BCL3: variants seen among roughly 807,000 people sequenced by gnomAD.
BCL3 encodes the protein B-cell lymphoma 3 protein.
BCL3 carries 15 observed loss-of-function variants against 35.7 expected under a neutral mutation model. That is an observed-to-expected ratio of 0.42 (90% CI 0.28 to 0.65). BCL3 has a LOEUF of 0.65. BCL3 is among the 30% of genes least tolerant of loss of function. The pLI is 0.22. For missense variants in BCL3, 565 were observed against 641.7 expected (o/e 0.88, Z 1.29); for synonymous variants, 311 against 284.3 (o/e 1.09, Z -0.95).
Position 44,749,036 on chromosome 19 carries a change from T to G in BCL3, c.246T>G (p.Leu82=). 7.4e-7 allele frequency: 1 copy of G among 1,348,578 alleles called. No homozygotes were observed. Among genetic ancestry groups the G allele is most frequent in the East Asian group, 3.1e-5 (1 of 32,226 alleles). 83.5% of individuals were successfully genotyped at this position (1,348,578 alleles called of 1,614,324 possible). The change falls in exon 1 of 9, where the codon CTT becomes CTG. Residue 82 remains leucine, a synonymous_variant. Coordinates refer to ENST00000164227, the MANE Select transcript of BCL3 (RefSeq NM_005178.5). ...PPHGLARPEA[L]YYPGALLPLY... is the part of the protein sequence containing the mutation. ...ACGGCCTGGCCCGGCCGGAGGCGCT[T>G]TACTACCCCGGTGAGTGGCCCCCGA...
rs575524255 is a variant in BCL3, at chr19:44,749,334, T to C, written c.256+288T>C. Among the ~76,000 whole-genome samples, 4 of 142,036 alleles carry C rather than the reference T, an allele frequency of 2.8e-5. No individual in the cohort carries two copies. In the South Asian group the frequency reaches 9.0e-4, roughly 32 times the overall value. 93.2% of individuals were successfully genotyped at this position (142,036 alleles called of 152,430 possible). A position where few individuals can be genotyped will look rare whatever the true frequency, so the allele number is the denominator to read the frequency against. ...GCCCAGTGGTACAAATATGGGGGTG[T>C]CAGGGAATCAGGGCACAGAGCCTGG... On this transcript the variant is annotated intron_variant, in intron 1 of 8. Coordinates refer to ENST00000164227, the MANE Select transcript of BCL3 (RefSeq NM_005178.5).
rs1967381120 is a variant in BCL3 at position 44,759,516 on chromosome 19, C to T, written c.1266C>T (p.Phe422=). The part of the protein sequence containing the change: ...PGFPMAPPNF[F]LPSPSPPAFL... ...TCCCCATGGCTCCTCCCAATTTCTT[C>T]CTTCCTTCCCCATCTCCACCCGCCT... Residue 422 remains phenylalanine (F), a synonymous_variant, in exon 9 of 9, where the codon TTC becomes TTT. Coordinates refer to ENST00000164227, the MANE Select transcript of BCL3 (RefSeq NM_005178.5). The T allele has an allele frequency of 1.2e-6, 2 of 1,613,254 alleles. No homozygotes were observed. The highest frequency in any genetic ancestry group is 4.5e-5 in the East Asian group (2 of 44,790).
intron 2 of BCL3, among the ~76,000 whole-genome samples, chr19:44,753,132 A>T (rs111412318): frequency 4.6e-5 from 7 of 152,314 alleles, no homozygotes; most frequent in African/African-American, 1.7e-4. Context: ...AATGCATGGA[A>T]ATGGGTAATG....
chr19:44,756,070 C>T (rs1004194691), intron 2 of BCL3, 162 bp from the exon 3 acceptor site: 20 of 433,006 alleles, frequency 4.6e-5, no homozygotes, highest in African/African-American at 3.1e-4. Flanking sequence ...ATGGAGGGAG[C>T]GGGTGGTAAA....
Position 44,751,333 on chromosome 19 carries a change from T to A in BCL3, c.363T>A (p.Leu121=), listed in dbSNP as rs755444152. 2 of 1,604,164 alleles carry A rather than the reference T, an allele frequency of 1.2e-6. No homozygotes were observed. The highest frequency in any genetic ancestry group is 2.2e-5 in the South Asian group (2 of 89,694). The change falls in exon 2 of 9, where the codon CTT becomes CTA. Residue 121 remains leucine, a synonymous_variant. Coordinates refer to ENST00000164227, the MANE Select transcript of BCL3 (RefSeq NM_005178.5). ...YPMMCPMEHP[L]SADIAMATRA... ...TGATGTGCCCCATGGAACACCCCCTTTCTGCTGACATCGCCATGGCCACCC... is the reference window on the plus strand; with the variant it reads ...TGATGTGCCCCATGGAACACCCCCTATCTGCTGACATCGCCATGGCCACCC...
chr19:44,758,290 C>A lies in BCL3; in HGVS notation c.936C>A (p.Ala312=). ...CGCAAATGTACTCCGGCAGCTCCGCCCTGCACTCAGCGTCCGGCCGCGGGC... is the reference window on the plus strand; with the variant it reads ...CGCAAATGTACTCCGGCAGCTCCGCACTGCACTCAGCGTCCGGCCGCGGGC... ...VNAQMYSGSS[A]LHSASGRGLL... Residue 312 remains alanine, a synonymous_variant, in exon 7 of 9, where the codon GCC becomes GCA. Transcript: ENST00000164227. 6.4e-7 allele frequency: 1 copy of A among 1,558,610 alleles called. No homozygotes were observed. The highest frequency in any genetic ancestry group is 8.6e-7 in the Non-Finnish European group (1 of 1,161,422).
At position 44,748,736 on chromosome 19, in the gene BCL3, A is replaced by G; in HGVS notation, c.-55A>G. The G allele has an allele frequency of 2.8e-6, 3 of 1,070,312 alleles. No homozygotes were observed. The highest frequency in any genetic ancestry group is 3.4e-6 in the Non-Finnish European group (3 of 886,078). 66.3% of individuals were successfully genotyped at this position (1,070,312 alleles called of 1,614,324 possible). A position where few individuals can be genotyped will look rare whatever the true frequency, so the allele number is the denominator to read the frequency against. On this transcript the variant is annotated 5_prime_UTR_variant, in exon 1 of 9. Transcript: ENST00000164227. ...GGAAGTCCCGGCGCCCGGCGAAACCACCCTCCCGTGCAGCCGAGCCCAGCC... is the reference window on the plus strand; with the variant it reads ...GGAAGTCCCGGCGCCCGGCGAAACCGCCCTCCCGTGCAGCCGAGCCCAGCC...
intron 2 of BCL3, among the ~76,000 whole-genome samples, chr19:44,753,662 C>T (rs1209106427): frequency 6.6e-6 from 1 of 151,922 alleles, no homozygotes; most frequent in African/African-American, 2.4e-5. Context: ...GCAGTGGGGG[C>T]GAGGAGGGCG....
chr19:44,758,570 TGAG>T, intron 7 of BCL3, 151 bp from the exon 8 acceptor site: 1 of 1,275,714 alleles, frequency 7.8e-7, no homozygotes, highest in South Asian at 1.4e-5. Context: ...GTTCCAGAAA[TGAG>T]GAGAGACTGG....
chr19:44,751,087 G>A, intron 1 of BCL3, 140 bp from the exon 2 acceptor site: 2 of 1,096,402 alleles, frequency 1.8e-6, no homozygotes, highest in Non-Finnish European at 2.5e-6. Context: ...TAGGCCCTGA[G>A]GACCCTGTAT....
chr19:44,750,297 T>C (rs113200603), intron 1 of BCL3, among the ~76,000 whole-genome samples: 12 of 142,728 alleles, frequency 8.4e-5, no homozygotes, highest in African/African-American at 3.0e-4. Context: ...TTGTTTGTTT[T>C]TGTTTTTGTT....
chr19:44,758,640 C>A, intron 7 of BCL3, 84 bp from the exon 8 acceptor site: 1 of 1,337,956 alleles, frequency 7.5e-7, no homozygotes, highest in Non-Finnish European at 1.0e-6. Context: ...GAGAGGCCAC[C>A]ACCTGGATCC....
intron 6 of BCL3, among the ~76,000 whole-genome samples, 163 bp from the exon 7 acceptor site, chr19:44,758,083 C>T: frequency 6.6e-6 from 1 of 152,228 alleles, no homozygotes; most frequent in Non-Finnish European, 1.5e-5. Flanking sequence ...GCCGCCAACG[C>T]AGTCCCGCTT....
At chr19:44,753,834 G>T (rs985316040) in intron 2 of BCL3, among the ~76,000 whole-genome samples, 7 of 138,328 alleles carry the variant, frequency 5.1e-5, no homozygotes, top group Non-Finnish European at 8.0e-5. Context: ...GGGGCGGGGG[G>T]GGGGGGTGAT....
intron 8 of BCL3, 74 bp from the exon 9 acceptor site, chr19:44,759,354 A>T: frequency 1.0e-6 from 1 of 957,998 alleles, no homozygotes; most frequent in Non-Finnish European, 1.4e-6. Context: ...TCAGACCCAG[A>T]TCTCAGGCCC....
Position 44,759,628 on chromosome 19 carries a change from G to T in BCL3, c.*13G>T, listed in dbSNP as rs755304264. 11 of 1,595,436 alleles carry T rather than the reference G, an allele frequency of 6.9e-6. No individual in the cohort carries two copies. Among genetic ancestry groups the T allele is most frequent in the Non-Finnish European group, 8.5e-7 (1 of 1,175,312 alleles). ...AGGAGGCAGCTGAGGGGGATGGGGG[G>T]GCAGATCTTGGACTCATGAGGAGGG... On this transcript the variant is annotated 3_prime_UTR_variant, in exon 9 of 9. Coordinates refer to ENST00000164227, the MANE Select transcript of BCL3 (RefSeq NM_005178.5).
chr19:44,757,388 A>G lies in BCL3; in HGVS notation c.786A>G (p.Leu262=). The G allele has an allele frequency of 6.2e-7, 1 of 1,603,276 alleles. No homozygotes were observed. Among genetic ancestry groups the G allele is most frequent in the Non-Finnish European group, 8.5e-7 (1 of 1,175,118 alleles). The change falls in exon 5 of 9, where the codon CTA becomes CTG. Residue 262 remains leucine, a synonymous_variant. Coordinates refer to ENST00000164227, the MANE Select transcript of BCL3 (RefSeq NM_005178.5). The surrounding 1 kb of genome is among the most constrained non-coding windows in gnomAD (Gnocchi z 8.4). ...TECQETVQLL[L]ERGADIDAVD... Reference sequence around the variant, plus strand: ...GCCAAGAAACCGTGCAGCTCTTGCTAGAGCGCGGTGCCGACATCGACGCAG... The same window carrying G: ...GCCAAGAAACCGTGCAGCTCTTGCTGGAGCGCGGTGCCGACATCGACGCAG...
intron 3 of BCL3, 45 bp from the exon 4 acceptor site, chr19:44,756,972 G>A: frequency 6.5e-7 from 1 of 1,532,954 alleles, no homozygotes; most frequent in East Asian, 2.4e-5. Context: ...GGCAGGACTA[G>A]AGAGCAGGGC....
In BCL3 at chr19:44,757,987, C is replaced by A. The variant is rs376206802; in HGVS notation, c.892-259C>A. Among the ~76,000 whole-genome samples the A allele has an allele frequency of 3.9e-5, 6 of 152,376 alleles. No homozygotes were observed. In the East Asian group the frequency reaches 1.2e-3, roughly 29 times the overall value. ...TGGCTGACCCCGCCTTCCAGCTAGG[C>A]CCTGTCCACGCATTGTCCTTCCCCC... On this transcript the variant is annotated intron_variant, in intron 6 of 8. Transcript: ENST00000164227. The surrounding 1 kb of genome is among the most constrained non-coding windows in gnomAD (Gnocchi z 8.4).
Sources: gnomAD v4.1 joint callset for allele counts (sites outside exome capture counted in the v4.1 genomes callset) on GRCh38, gnomAD v4.1.1 for gene constraint, Gnocchi (gnomAD v3.1) non-coding constraint, MANE v1.5 for transcripts, NCBI Gene and HGNC (gene_info 2026-07-23, HGNC 2026-07-21) for gene names.